Variants in GRM8 observed in about 807,000 individuals in gnomAD.
GRM8 encodes metabotropic glutamate receptor 8.
GRM8 carries 47 observed loss-of-function variants against 87.2 expected under a neutral mutation model. The observed-to-expected ratio is 0.54, with a 90% CI of 0.43 to 0.69. The LOEUF (loss-of-function observed/expected upper bound fraction) is 0.69. Among genes scored for constraint, GRM8 ranks in the 30% least tolerant of loss-of-function variants. GRM8 has a pLI of 0.00. For synonymous variants in GRM8, 396 were observed against 404.5 expected (o/e 0.98, Z 0.25); for missense variants, 1,019 against 1,139.2 (o/e 0.89, Z 1.52).
intron 2 of GRM8, among the ~76,000 whole-genome samples, chr7:127,138,330 C>T (rs777127206): frequency 6.6e-6 from 1 of 152,144 alleles, no homozygotes; most frequent in African/African-American, 2.4e-5. Flanking sequence ...TACACATCAT[C>T]TCTTAGATAA....
intron 6 of GRM8, among the ~76,000 whole-genome samples, chr7:126,856,399 T>C (rs1797688901): frequency 6.6e-6 from 1 of 152,190 alleles, no homozygotes; most frequent in African/African-American, 2.4e-5. Flanking sequence ...GTAGATGCAG[T>C]TGAAATATGG....
chr7:126,825,356 A>G (rs1348725649), intron 6 of GRM8, among the ~76,000 whole-genome samples: 2 of 152,138 alleles, frequency 1.3e-5, no homozygotes, highest in Non-Finnish European at 2.9e-5. Flanking sequence ...ATGAGCCACT[A>G]TGCCCGGCCC....
intron 6 of GRM8, among the ~76,000 whole-genome samples, chr7:126,834,138 G>A (rs1426801525): frequency 6.6e-6 from 1 of 152,226 alleles, no homozygotes; most frequent in East Asian, 1.9e-4. Context: ...ACCAAATGGT[G>A]CTAGGTAATA....
At chr7:126,668,661 C>A (rs561259094) in intron 7 of GRM8, among the ~76,000 whole-genome samples, 1 of 152,320 alleles carries the variant, frequency 6.6e-6, no homozygotes, top group African/African-American at 2.4e-5. Context: ...AGTAAATAAG[C>A]TTTTCTCTTG....
chr7:126,571,806 T>C (rs1264676399), intron 8 of GRM8, among the ~76,000 whole-genome samples: 1 of 151,422 alleles, frequency 6.6e-6, no homozygotes, highest in Non-Finnish European at 1.5e-5. Context: ...AATGGCATGA[T>C]CTCGGCTCAC....
chr7:127,106,696 T>C lies in GRM8; in HGVS notation c.527A>G (p.Tyr176Cys), dbSNP rs767221195. 4 of 1,611,226 alleles carry C rather than the reference T, an allele frequency of 2.5e-6. No homozygotes were observed. The African/African-American group carries it at 5.3e-5, about 22-fold the overall frequency. Reference protein sequence around the residue: ...LRLFKIPQISYASTAPELSDN... With the variant: ...LRLFKIPQISCASTAPELSDN... Reference sequence around the variant, plus strand: ...ACTTAGCTCTGGGGCTGTGGATGCATAGCTGATTTGAGGTATCTGCAAAAC... The same window carrying C: ...ACTTAGCTCTGGGGCTGTGGATGCACAGCTGATTTGAGGTATCTGCAAAAC... Residue 176 changes from tyrosine to cysteine, a missense_variant, in exon 3 of 11, where the codon TAT becomes TGT. Transcript: ENST00000339582.
intron 9 of GRM8, among the ~76,000 whole-genome samples, chr7:126,514,656 C>T (rs1054825207): frequency 3.9e-5 from 6 of 151,946 alleles, no homozygotes; most frequent in Middle Eastern, 3.2e-3. Context: ...AAACATTTTA[C>T]ACCCAAGAAA....
At chr7:126,978,746 T>C (rs900611625) in intron 3 of GRM8, among the ~76,000 whole-genome samples, 1 of 152,210 alleles carries the variant, frequency 6.6e-6, no homozygotes, top group Non-Finnish European at 1.5e-5. Flanking sequence ...TGTAAACATT[T>C]TCCTGTGGTG....
chr7:126,639,338 G>T (rs2151198273), intron 7 of GRM8, among the ~76,000 whole-genome samples: 1 of 152,262 alleles, frequency 6.6e-6, no homozygotes, highest in South Asian at 2.1e-4. Flanking sequence ...CTTACCCAAA[G>T]CAGATGCTTA....
At position 126,993,899 on chromosome 7, in the gene GRM8, G is replaced by A. The variant is rs140771428; in HGVS notation, c.728-89216C>T. 8.3e-4 allele frequency among the ~76,000 whole-genome samples: 126 copies of A among 152,268 alleles called. 2 individuals are homozygous for A. Among genetic ancestry groups the A allele is most frequent in the African/African-American group, 2.8e-3 (118 of 41,552 alleles). On this transcript the variant is annotated intron_variant, in intron 3 of 10. Transcript: ENST00000339582. Reference sequence around the variant, plus strand: ...TCTGGGATCCTAGGTGAACTTGAAAGGCAGTCGAGGACACAAGGACTGCAA... The same window carrying A: ...TCTGGGATCCTAGGTGAACTTGAAAAGCAGTCGAGGACACAAGGACTGCAA...
At chr7:126,712,866 T>C (rs1247280611) in intron 7 of GRM8, among the ~76,000 whole-genome samples, 2 of 152,128 alleles carry the variant, frequency 1.3e-5, no homozygotes, top group Non-Finnish European at 2.9e-5. Context: ...CACTTGTTGA[T>C]AGAGAAATGC....
chr7:126,488,428 A>G (rs1173507434), intron 9 of GRM8, among the ~76,000 whole-genome samples: 1 of 152,060 alleles, frequency 6.6e-6, no homozygotes, highest in Non-Finnish European at 1.5e-5. Flanking sequence ...GGTCACACTC[A>G]GGAAAATGTT....
intron 3 of GRM8, among the ~76,000 whole-genome samples, chr7:126,956,983 G>T (rs1808760210): frequency 6.6e-6 from 1 of 152,200 alleles, no homozygotes; most frequent in Non-Finnish European, 1.5e-5. Flanking sequence ...ATGAGTACAT[G>T]AATGTTTTTC....
rs513 is a variant in GRM8 at position 126,456,519 on chromosome 7, T to TAAAAAAAAAAAAAAAAAAAAAAAA, written c.2431-10171_2431-10148dup. Among the ~76,000 whole-genome samples the TAAAAAAAAAAAAAAAAAAAAAAAA allele has an allele frequency of 8.5e-4, 59 of 69,676 alleles. 7 individuals carry two copies. Among genetic ancestry groups the TAAAAAAAAAAAAAAAAAAAAAAAA allele is most frequent in the South Asian group, 2.2e-3 (5 of 2,296 alleles). 45.7% of individuals were successfully genotyped at this position (69,676 alleles called of 152,430 possible). On this transcript the variant is annotated intron_variant, in intron 9 of 10. Transcript: ENST00000339582. ...TCCTAAGTGTAAGAAAGCAGCAAGC[T>TAAAAAAAAAAAAAAAAAAAAAAAA]AAAAAAAAAAAAAAAAAAAAAAAAA...
intron 8 of GRM8, among the ~76,000 whole-genome samples, chr7:126,585,796 C>T (rs1405972177): frequency 6.6e-6 from 1 of 152,176 alleles, no homozygotes; most frequent in Admixed American, 6.5e-5. Flanking sequence ...TCTCTCACCA[C>T]TCCTTTTCAA....
chr7:126,776,615 AT>A (rs1819505345), intron 6 of GRM8, among the ~76,000 whole-genome samples: 1 of 152,206 alleles, frequency 6.6e-6, no homozygotes, highest in Non-Finnish European at 1.5e-5. Context: ...TTGATCATTT[AT>A]TTGCAACACT....
chr7:126,586,913 A>G (rs1016014413), intron 8 of GRM8, among the ~76,000 whole-genome samples: 2 of 152,144 alleles, frequency 1.3e-5, no homozygotes, highest in African/African-American at 4.8e-5. Context: ...ATAGGAGAAA[A>G]TTTTTGCAAT....
At chr7:127,193,039 G>T (rs1054321769) in intron 2 of GRM8, among the ~76,000 whole-genome samples, 1 of 152,092 alleles carries the variant, frequency 6.6e-6, no homozygotes, top group African/African-American at 2.4e-5. Context: ...TTTCTCTACT[G>T]TCCATATAGC....
At chr7:127,073,297 G>A (rs757711701) in intron 3 of GRM8, among the ~76,000 whole-genome samples, 21 of 152,172 alleles carry the variant, frequency 1.4e-4, no homozygotes, top group Non-Finnish European at 2.5e-4. Flanking sequence ...ACAGAAGAGC[G>A]GAGTAATGGT....
Sources: allele counts gnomAD v4.1 joint callset (sites outside exome capture counted in the v4.1 genomes callset), GRCh38; gene constraint gnomAD v4.1.1; transcripts MANE v1.5; gene names NCBI Gene and HGNC (gene_info 2026-07-23, HGNC 2026-07-21).